CT45A10: variants seen among roughly 807,000 people sequenced by gnomAD.
CT45A10 encodes the protein cancer/testis antigen family 45 member A10.
A neutral mutation model predicts 8.3 loss-of-function variants in CT45A10; 19 were observed. That is an observed-to-expected ratio of 2.30 (90% CI 1.61 to 3.38). CT45A10 has a LOEUF of 3.38. Among genes scored for constraint, CT45A10 ranks in the 30% most tolerant of loss-of-function variants. CT45A10 has a pLI of 0.00. For synonymous variants in CT45A10, 28 were observed against 26.5 expected (o/e 1.06, Z -0.17); for missense variants, 149 against 85.9 (o/e 1.73, Z -2.90).
intron 1 of CT45A10, among the ~76,000 whole-genome samples, chrX:135,891,615 A>G (rs1199529054): frequency 1.8e-5 from 2 of 110,311 alleles, no homozygotes; most frequent in Non-Finnish European, 3.8e-5. Flanking sequence ...ACTCCATTCC[A>G]TGAAAATTTA....
At chrX:135,892,334 G>T (rs1255869819) in intron 1 of CT45A10, among the ~76,000 whole-genome samples, 10 of 112,038 alleles carry the variant, frequency 8.9e-5, no homozygotes, top group Non-Finnish European at 1.7e-4. Context: ...GTAGACATAA[G>T]GAGAGATCAC....
intron 1 of CT45A10, among the ~76,000 whole-genome samples, chrX:135,889,477 CAAAA>C (rs10645547): frequency 0.25 from 22,087 of 88,948 alleles, 1,955 homozygotes; most frequent in Non-Finnish European, 0.29. Context: ...AAGACTCCAT[CAAAA>C]AAAAAAAAAA....
intron 4 of CT45A10, among the ~76,000 whole-genome samples, chrX:135,881,749 T>A (rs1254526436): frequency 5.0e-5 from 2 of 39,687 alleles, no homozygotes; most frequent in Non-Finnish European, 9.5e-5. Flanking sequence ...AAAGAAAATA[T>A]GGTACATATA....
At position 135,882,995 on chromosome X, in the gene CT45A10, T is replaced by G. The variant is rs1273163321; in HGVS notation, c.418+13A>C. 20 of 1,195,215 alleles carry G rather than the reference T, an allele frequency of 1.7e-5. No individual in the cohort carries two copies. Among genetic ancestry groups the G allele is most frequent in the East Asian group, 6.0e-5 (2 of 33,574 alleles). ...CTACAGTTTTATAAAACAGACGTTCTTACACTACTTACTTCGTCCAAGGCA... is the reference window on the plus strand; with the variant it reads ...CTACAGTTTTATAAAACAGACGTTCGTACACTACTTACTTCGTCCAAGGCA... On this transcript the variant is annotated intron_variant, in intron 3 of 4. Coordinates refer to ENST00000682849, the MANE Select transcript of CT45A10 (RefSeq NM_001291529.2).
intron 4 of CT45A10, among the ~76,000 whole-genome samples, chrX:135,881,585 C>T (rs2088376204): frequency 3.0e-5 from 1 of 33,281 alleles, no homozygotes; most frequent in South Asian, 2.3e-3. Flanking sequence ...ATGGAGCTAT[C>T]ATATGATCCA....
chrX:135,892,228 G>C (rs1197653351), intron 1 of CT45A10, among the ~76,000 whole-genome samples: 1 of 110,907 alleles, frequency 9.0e-6, no homozygotes, highest in African/African-American at 3.3e-5. Context: ...CACGAGAATC[G>C]AGCGAGCCTG....
At chrX:135,889,830 GAAA>G (rs10684169) in intron 1 of CT45A10, among the ~76,000 whole-genome samples, 191 of 96,364 alleles carry the variant, frequency 2.0e-3, no homozygotes, top group Non-Finnish European at 3.4e-3. Flanking sequence ...CAAAAAGTTG[GAAA>G]AAAAAAAAAA....
rs1414227341 is a variant in CT45A10, at chrX:135,883,198, GA to G, written c.227del (p.Phe76SerfsTer9). The part of the protein sequence containing the change: ...PSQLDSQIDD[F>X]TGFSKDGMMQ... ...TCATCCCATCTTTGCTGAAACCAGT[GA>G]AGTCATCAATCTGAGAATCCAATTG... On this transcript the variant is annotated frameshift_variant, in exon 3 of 5. Transcript: ENST00000682849. LOFTEE classifies it high-confidence loss of function. 3 of 1,196,371 alleles carry G rather than the reference GA, an allele frequency of 2.5e-6. No homozygotes were observed. The highest frequency in any genetic ancestry group is 3.4e-6 in the Non-Finnish European group (3 of 885,633).
chrX:135,883,140 C>A lies in CT45A10; in HGVS notation c.286G>T (p.Gly96Ter), dbSNP rs1212562976. ...CCAGAGAAATTGCTGGTAACGTTTC[C>A]TCCCACAGGTGCATTGCTACCAGGT... The part of the protein sequence containing the change: ...QKPGSNAPVG[G>*]NVTSNFSGDD... The change falls in exon 3 of 5, where the codon GGA (glycine) becomes TGA (stop). Residue 96 changes from glycine to a stop codon, truncating the protein, a stop_gained. Transcript: ENST00000682849. LOFTEE classifies it high-confidence loss of function. The A allele has an allele frequency of 8.4e-7, 1 of 1,197,230 alleles. No individual in the cohort carries two copies. The highest frequency in any genetic ancestry group is 1.1e-6 in the Non-Finnish European group (1 of 885,707).
Position 135,883,272 on chromosome X carries a change from T to C in CT45A10, c.170-16A>G. 5 of 1,195,767 alleles carry C rather than the reference T, an allele frequency of 4.2e-6. No homozygotes were observed. The highest frequency in any genetic ancestry group is 5.6e-6 in the Non-Finnish European group (5 of 885,026). On this transcript the variant is annotated splice_polypyrimidine_tract_variant and intron_variant, in intron 2 of 4. Transcript: ENST00000682849. ...GTCATAAGCTCTGGTGAAACAAATT[T>C]TGAGTAAAAGCCATCAGTTGGTGTT... is the stretch of plus-strand genomic sequence containing the variant.
rs376565422 is a variant in CT45A10, at chrX:135,890,374, C to T, written c.-7+2971G>A. On this transcript the variant is annotated intron_variant, in intron 1 of 4. Coordinates refer to ENST00000682849, the MANE Select transcript of CT45A10 (RefSeq NM_001291529.2). The stretch of plus-strand genomic sequence containing the variant: ...GGGGTAGGCATTTGCCCCTGTGGAA[C>T]GCCTTGTCAGAGCAGTGCACAGCAG... Among the ~76,000 whole-genome samples the T allele has an allele frequency of 1.8e-4, 20 of 112,549 alleles. 1 individual carries two copies. Among genetic ancestry groups the T allele is most frequent in the African/African-American group, 5.8e-4 (18 of 30,999 alleles).
At chrX:135,893,290 C>T (rs1477445813) in intron 1 of CT45A10, among the ~76,000 whole-genome samples, 55 bp downstream of exon 1, 1 of 111,704 alleles carries the variant, frequency 9.0e-6, no homozygotes, top group South Asian at 3.8e-4. Context: ...CTTTCCCGGG[C>T]GAAATTAAAG....
intron 2 of CT45A10, among the ~76,000 whole-genome samples, 170 bp from the exon 3 acceptor site, chrX:135,883,426 T>C (rs1354074542): frequency 1.8e-5 from 2 of 110,004 alleles, no homozygotes; most frequent in East Asian, 5.6e-4. Flanking sequence ...CCTCAGTTTC[T>C]AGGGAATTAT....
intron 1 of CT45A10, among the ~76,000 whole-genome samples, chrX:135,889,567 C>G (rs2148066004): frequency 9.0e-6 from 1 of 111,167 alleles, no homozygotes; most frequent in African/African-American, 3.3e-5. Flanking sequence ...AAAGTCAACC[C>G]CGACCGGGCG....
chrX:135,882,990 C>T lies in CT45A10; in HGVS notation c.418+18G>A, dbSNP rs2088399715. The T allele has an allele frequency of 2.5e-6, 3 of 1,193,354 alleles. No individual in the cohort carries two copies. The highest frequency in any genetic ancestry group is 3.4e-6 in the Non-Finnish European group (3 of 882,489). ...ACTTCCTACAGTTTTATAAAACAGA[C>T]GTTCTTACACTACTTACTTCGTCCA... On this transcript the variant is annotated intron_variant, in intron 3 of 4. Coordinates refer to ENST00000682849, the MANE Select transcript of CT45A10 (RefSeq NM_001291529.2).
chrX:135,883,259 G>C lies in CT45A10; in HGVS notation c.170-3C>G. On this transcript the variant is annotated splice_region_variant and splice_polypyrimidine_tract_variant and intron_variant, in intron 2 of 4. Transcript: ENST00000682849. ...AATAGCATGTCCTGTCATAAGCTCTGGTGAAACAAATTTTGAGTAAAAGCC... is the reference window on the plus strand; with the variant it reads ...AATAGCATGTCCTGTCATAAGCTCTCGTGAAACAAATTTTGAGTAAAAGCC... 8.4e-7 allele frequency: 1 copy of C among 1,196,021 alleles called. No homozygotes were observed. Among genetic ancestry groups the C allele is most frequent in the African/African-American group, 1.8e-5 (1 of 56,733 alleles).
At chrX:135,889,220 A>G in intron 1 of CT45A10, 1 of 257,489 alleles carries the variant, frequency 3.9e-6, no homozygotes, top group South Asian at 1.8e-4. Context: ...CAGCAACATA[A>G]GCAGAGGAAT....
At chrX:135,889,589 G>A (rs1445281169) in intron 1 of CT45A10, among the ~76,000 whole-genome samples, 2 of 111,451 alleles carry the variant, frequency 1.8e-5, no homozygotes, top group Admixed American at 9.5e-5. Flanking sequence ...AGTGGCTCAC[G>A]CCTGTAATGT....
intron 1 of CT45A10, among the ~76,000 whole-genome samples, chrX:135,889,634 T>C (rs1292835428): frequency 2.7e-5 from 3 of 110,947 alleles, no homozygotes; most frequent in African/African-American, 9.9e-5. Flanking sequence ...CTGGATCACC[T>C]GAGGTCAGGA....
Sources: allele counts gnomAD v4.1 joint callset (sites outside exome capture counted in the v4.1 genomes callset), GRCh38; gene constraint gnomAD v4.1.1; transcripts MANE v1.5; gene names NCBI Gene and HGNC (gene_info 2026-07-23, HGNC 2026-07-21).